Variants in ERGIC1 observed in about 807,000 individuals in gnomAD.
ERGIC1 encodes the protein endoplasmic reticulum-Golgi intermediate compartment protein 1.
ERGIC1 carries 19 observed loss-of-function variants against 38.3 expected under a neutral mutation model. That is an observed-to-expected ratio of 0.50 (90% confidence interval 0.35 to 0.73). The LOEUF is 0.73. ERGIC1 is among the 30% of genes least tolerant of loss of function. ERGIC1 has a pLI of 0.01. For synonymous variants in ERGIC1, 124 were observed against 157.6 expected (o/e 0.79, Z 1.60); for missense variants, 294 against 389.2 (o/e 0.76, Z 2.06).
intron 1 of ERGIC1, among the ~76,000 whole-genome samples, chr5:172,836,017 T>C (rs1471614075): frequency 1.3e-5 from 2 of 152,224 alleles, no homozygotes; most frequent in African/African-American, 4.8e-5. Context: ...CCCCTGCCCC[T>C]GTGTGATTCA....
rs373549733 is a variant in ERGIC1 at position 172,837,538 on chromosome 5, G to T, written c.20+3105G>T. ...ATCTCCAGCACCTAGAACTGTGCTTGAGCCAAACTCGATCCTTGGAGATGC... is the reference window on the plus strand; with the variant it reads ...ATCTCCAGCACCTAGAACTGTGCTTTAGCCAAACTCGATCCTTGGAGATGC... On this transcript the variant is annotated intron_variant, in intron 1 of 9. Transcript: ENST00000393784. This position sits in a 1 kb window ranked among gnomAD's most constrained non-coding sequence, Gnocchi z 4.3. Among the ~76,000 whole-genome samples the T allele has an allele frequency of 4.5e-4, 68 of 152,280 alleles. No individual in the cohort carries two copies. Among genetic ancestry groups the T allele is most frequent in the African/African-American group, 1.6e-3 (67 of 41,534 alleles).
At chr5:172,889,177 G>A (rs767985844) in intron 2 of ERGIC1, among the ~76,000 whole-genome samples, 6 of 151,910 alleles carry the variant, frequency 3.9e-5, no homozygotes, top group Non-Finnish European at 8.8e-5. Context: ...CCATCTACTC[G>A]GGAGGCTGAG....
chr5:172,849,578 G>A (rs1761353597), intron 1 of ERGIC1, among the ~76,000 whole-genome samples: 1 of 152,212 alleles, frequency 6.6e-6, no homozygotes, highest in Non-Finnish European at 1.5e-5. Flanking sequence ...TGCAGATGAG[G>A]AAGCTGAGGC....
intron 9 of ERGIC1, among the ~76,000 whole-genome samples, chr5:172,950,355 A>G (rs900258073): frequency 1.3e-5 from 2 of 152,208 alleles, no homozygotes; most frequent in African/African-American, 2.4e-5. Context: ...CCTGTGTTCA[A>G]GTTGCATCTC....
chr5:172,864,366 G>A (rs1416231145), intron 1 of ERGIC1, among the ~76,000 whole-genome samples: 4 of 148,476 alleles, frequency 2.7e-5, no homozygotes, highest in Non-Finnish European at 5.9e-5. Flanking sequence ...CTGCCTCCAG[G>A]GTTCAAACGA....
chr5:172,840,287 C>G (rs1466686217), intron 1 of ERGIC1, among the ~76,000 whole-genome samples: 1 of 152,188 alleles, frequency 6.6e-6, no homozygotes, highest in African/African-American at 2.4e-5. Context: ...TAGCAGGAGA[C>G]AGGGCTTTAG....
chr5:172,925,540 C>T (rs558448854), intron 6 of ERGIC1, among the ~76,000 whole-genome samples: 3 of 152,300 alleles, frequency 2.0e-5, no homozygotes, highest in South Asian at 4.1e-4. Context: ...TATGCCACCC[C>T]GCTGCTGCCC....
At chr5:172,901,904 A>G (rs1197255711) in intron 3 of ERGIC1, among the ~76,000 whole-genome samples, 2 of 152,212 alleles carry the variant, frequency 1.3e-5, no homozygotes, top group Admixed American at 1.3e-4. Context: ...CCGGCAGGTC[A>G]GCACTTCATG....
chr5:172,914,254 A>AAAAAAAAAAAAC (rs796565475), intron 4 of ERGIC1, among the ~76,000 whole-genome samples: 1 of 131,240 alleles, frequency 7.6e-6, no homozygotes, highest in Non-Finnish European at 1.6e-5. Context: ...AAAAAAAAAA[A>AAAAAAAAAAAAC]AAATACAAAG....
intron 7 of ERGIC1, among the ~76,000 whole-genome samples, chr5:172,930,266 A>G (rs1423960544): frequency 2.0e-5 from 3 of 151,774 alleles, no homozygotes; most frequent in African/African-American, 7.3e-5. Context: ...GGCAGTTTAT[A>G]TGTGAGACTG....
At chr5:172,908,244 T>G (rs2113369700) in intron 3 of ERGIC1, among the ~76,000 whole-genome samples, 1 of 135,788 alleles carries the variant, frequency 7.4e-6, no homozygotes, top group East Asian at 2.4e-4. Context: ...AAGAGAGAGG[T>G]GGAGGCCAGG....
At chr5:172,892,884 A>C (rs1304926737) in intron 2 of ERGIC1, among the ~76,000 whole-genome samples, 1 of 152,166 alleles carries the variant, frequency 6.6e-6, no homozygotes, top group South Asian at 2.1e-4. Flanking sequence ...AATGCGTGTG[A>C]TCGGGACCTT....
At chr5:172,885,005 C>T (rs1369233608) in intron 1 of ERGIC1, among the ~76,000 whole-genome samples, 1 of 152,192 alleles carries the variant, frequency 6.6e-6, no homozygotes, top group East Asian at 1.9e-4. Context: ...TCTCCTATCT[C>T]TCTCTTCCTC....
chr5:172,912,989 G>A (rs1027154428), intron 4 of ERGIC1, among the ~76,000 whole-genome samples: 7 of 152,038 alleles, frequency 4.6e-5, no homozygotes, highest in Admixed American at 3.3e-4. Context: ...GGCTGGTCTC[G>A]AACTGCTGGC....
At chr5:172,886,062 T>C in intron 1 of ERGIC1, among the ~76,000 whole-genome samples, 1 of 151,840 alleles carries the variant, frequency 6.6e-6, no homozygotes, top group African/African-American at 2.4e-5. Context: ...CCATTCCCTC[T>C]CCCCACCCCT....
intron 3 of ERGIC1, among the ~76,000 whole-genome samples, chr5:172,907,873 AG>A (rs1370714764): frequency 1.3e-5 from 2 of 152,154 alleles, no homozygotes; most frequent in African/African-American, 4.8e-5. Flanking sequence ...ATAAGCTTGA[AG>A]AAGGTAGAGA....
chr5:172,903,994 C>T (rs1241160180), intron 3 of ERGIC1, among the ~76,000 whole-genome samples: 2 of 146,546 alleles, frequency 1.4e-5, no homozygotes, highest in African/African-American at 5.1e-5. Context: ...CACACATTGA[C>T]TCACACTAAC....
chr5:172,900,709 CAA>C (rs1171493535), intron 3 of ERGIC1, among the ~76,000 whole-genome samples: 3 of 112,728 alleles, frequency 2.7e-5, no homozygotes, highest in Non-Finnish European at 3.7e-5. Flanking sequence ...GACCCTATCT[CAA>C]AAAAAAAAAA....
chr5:172,872,662 A>G (rs1286059785), intron 1 of ERGIC1, among the ~76,000 whole-genome samples: 1 of 152,166 alleles, frequency 6.6e-6, no homozygotes, highest in African/African-American at 2.4e-5. Flanking sequence ...TAAAAATTCC[A>G]AAATTAGCCT....
Sources: gnomAD v4.1 joint callset for allele counts (sites outside exome capture counted in the v4.1 genomes callset) on GRCh38, gnomAD v4.1.1 for gene constraint, Gnocchi (gnomAD v3.1) non-coding constraint, MANE v1.5 for transcripts, NCBI Gene and HGNC (gene_info 2026-07-23, HGNC 2026-07-21) for gene names.